RRAGC: variants seen among roughly 807,000 people sequenced by gnomAD.
RRAGC encodes the protein Ras related GTP binding C, also known as ras-related GTP-binding protein C.
In RRAGC, 8 loss-of-function variants were observed where a neutral mutation model predicts 37.1. That is an observed-to-expected ratio of 0.22 (90% CI 0.13 to 0.39). The LOEUF is 0.39. Among genes scored for constraint, RRAGC ranks in the 10% least tolerant of loss-of-function variants. The pLI is 1.00. For missense variants in RRAGC, 342 were observed against 497.6 expected, an observed-to-expected ratio of 0.69 and a Z score of 2.98; for synonymous variants, 190 against 181.1, an observed-to-expected ratio of 1.05 and a Z score of -0.39.
rs550624855 is a variant in RRAGC, at chr1:38,840,102, T to C, written c.1049-398A>G. 1.3e-3 allele frequency among the ~76,000 whole-genome samples: 188 copies of C among 144,306 alleles called. 1 individual carries two copies. Among genetic ancestry groups the C allele is most frequent in the Non-Finnish European group, 2.1e-3 (140 of 67,108 alleles). 94.7% of individuals were successfully genotyped at this position (144,306 alleles called of 152,430 possible). A position where few individuals can be genotyped will look rare whatever the true frequency, so the allele number is the denominator to read the frequency against. The stretch of plus-strand genomic sequence containing the variant: ...GGCAAAGCTTGCAGTGAGCCAAGAT[T>C]GCACCATTGCATTCCAGCCTGGGTG... On this transcript the variant is annotated intron_variant, in intron 6 of 6. Transcript: ENST00000373001.
intron 4 of RRAGC, 74 bp downstream of exon 4, chr1:38,852,300 A>T (rs960203583): frequency 1.1e-6 from 1 of 877,758 alleles, no homozygotes; most frequent in Non-Finnish European, 1.9e-6. Context: ...TTTTTGGAAA[A>T]TTTGAAAACA....
intron 6 of RRAGC, among the ~76,000 whole-genome samples, chr1:38,840,879 A>G (rs1641955031): frequency 6.6e-6 from 1 of 152,244 alleles, no homozygotes; most frequent in African/African-American, 2.4e-5. Context: ...CAATTCAACT[A>G]CATTAAAATT....
chr1:38,846,691 T>C (rs1293478440), intron 5 of RRAGC: 1 of 152,248 alleles, frequency 6.6e-6, no homozygotes, highest in African/African-American at 2.4e-5. Flanking sequence ...TTTTCTGATG[T>C]ACTTGCCTAT....
chr1:38,854,723 G>A (rs940929851), intron 3 of RRAGC, among the ~76,000 whole-genome samples: 6 of 152,128 alleles, frequency 3.9e-5, no homozygotes, highest in Admixed American at 3.3e-4. Flanking sequence ...AGGTCAATGA[G>A]ACTTTTCGAC....
At chr1:38,839,910 G>A (rs1304600672) in intron 6 of RRAGC, among the ~76,000 whole-genome samples, 2 of 151,894 alleles carry the variant, frequency 1.3e-5, no homozygotes, top group Non-Finnish European at 2.9e-5. Flanking sequence ...ACTTTGGGAG[G>A]CCGAGGCGGG....
chr1:38,841,231 T>C (rs1027807529), intron 6 of RRAGC, among the ~76,000 whole-genome samples: 2 of 152,156 alleles, frequency 1.3e-5, no homozygotes, highest in Non-Finnish European at 2.9e-5. Flanking sequence ...AGCTTAATAA[T>C]CTATAATAAC....
intron 5 of RRAGC, among the ~76,000 whole-genome samples, chr1:38,851,044 G>A (rs1228659104): frequency 6.6e-6 from 1 of 152,170 alleles, no homozygotes; most frequent in Non-Finnish European, 1.5e-5. Flanking sequence ...AAAATCACTT[G>A]CTGGCTGGCT....
chr1:38,859,261 G>T, intron 1 of RRAGC, 149 bp downstream of exon 1: 2 of 780,702 alleles, frequency 2.6e-6, no homozygotes, highest in Non-Finnish European at 4.0e-6. Flanking sequence ...TCCCCGCGCG[G>T]GCCGCGCCTG....
chr1:38,851,679 TA>T lies in RRAGC; in HGVS notation c.834del (p.Asp278GlufsTer11). On this transcript the variant is annotated frameshift_variant, in exon 5 of 7. Transcript: ENST00000373001. LOFTEE classifies it high-confidence loss of function. ...TCACAGCAAAGTTCATAAGATTGCATATCCACAGGGGAACTGTCTGTTGCAA... is the reference window on the plus strand; with the variant it reads ...TCACAGCAAAGTTCATAAGATTGCATTCCACAGGGGAACTGTCTGTTGCAA... The part of the protein sequence containing the change: ...IYIATDSSPV[D>X]MQSYELCCDM... 1 of 1,594,770 alleles carries T rather than the reference TA, an allele frequency of 6.3e-7. No homozygotes were observed. The highest frequency in any genetic ancestry group is 8.5e-7 in the Non-Finnish European group (1 of 1,174,420).
intron 6 of RRAGC, among the ~76,000 whole-genome samples, chr1:38,841,141 G>A (rs1175542205): frequency 6.6e-6 from 1 of 151,958 alleles, no homozygotes; most frequent in Non-Finnish European, 1.5e-5. Flanking sequence ...ACTGAATCTG[G>A]GCAATGGATT....
intron 5 of RRAGC, chr1:38,847,496 T>G (rs1208768011): frequency 6.6e-6 from 1 of 152,052 alleles, no homozygotes; most frequent in East Asian, 1.9e-4. Context: ...CTAAAACAGT[T>G]GTTAGTGGTT....
chr1:38,839,237 T>A lies in RRAGC; in HGVS notation c.*316A>T. ...GGCAACATTCCCTGGTAAGGATGGG[T>A]AACTGGTGTTATCTCCAGGTCCAAA... On this transcript the variant is annotated 3_prime_UTR_variant, in exon 7 of 7. Transcript: ENST00000373001. 4.0e-6 allele frequency: 1 copy of A among 252,196 alleles called. No individual in the cohort carries two copies. The highest frequency in any genetic ancestry group is 7.4e-6 in the Non-Finnish European group (1 of 134,360). 15.6% of individuals were successfully genotyped at this position (252,196 alleles called of 1,614,324 possible). A position where few individuals can be genotyped will look rare whatever the true frequency, so the allele number is the denominator to read the frequency against.
intron 6 of RRAGC, among the ~76,000 whole-genome samples, chr1:38,845,000 A>C (rs1352579037): frequency 6.6e-6 from 1 of 152,232 alleles, no homozygotes; most frequent in Admixed American, 6.5e-5. Flanking sequence ...GATGTGGAGA[A>C]ATAGGAACAC....
intron 6 of RRAGC, among the ~76,000 whole-genome samples, chr1:38,843,568 A>G (rs898278995): frequency 2.0e-5 from 3 of 152,072 alleles, no homozygotes; most frequent in African/African-American, 7.2e-5. Context: ...AAAATACAAA[A>G]AAGTAGCCGG....
rs971921762 is a variant in RRAGC, at chr1:38,859,392, G to C, written c.237+18C>G. On this transcript the variant is annotated intron_variant, in intron 1 of 6. Transcript: ENST00000373001. ...AGAACCGGGGAGGGGGCGGGGGACT[G>C]GGCGCAGCCCTGCTCACCTTCTGGA... is the stretch of plus-strand genomic sequence containing the variant. 6.5e-6 allele frequency: 10 copies of C among 1,543,886 alleles called. No individual in the cohort carries two copies. The highest frequency in any genetic ancestry group is 5.9e-5 in the Admixed American group (3 of 50,862).
At chr1:38,851,114 A>G (rs1481220902) in intron 5 of RRAGC, among the ~76,000 whole-genome samples, 1 of 152,208 alleles carries the variant, frequency 6.6e-6, no homozygotes, top group Non-Finnish European at 1.5e-5. Flanking sequence ...CAAATTTTAG[A>G]GATTTATTTT....
Position 38,839,719 on chromosome 1 carries a change from A to G in RRAGC, c.1049-15T>C, listed in dbSNP as rs917259988. 3.7e-6 allele frequency: 6 copies of G among 1,612,456 alleles called. No individual in the cohort carries two copies. In the African/African-American group the frequency reaches 8.0e-5, roughly 22 times the overall value. On this transcript the variant is annotated splice_polypyrimidine_tract_variant and intron_variant, in intron 6 of 6. Transcript: ENST00000373001. Reference sequence around the variant, plus strand: ...GTCTATTAAACCTGCAGGAAGGAAAAAGAAAAGAATGCCTCCTGAATTGTC... The same window carrying G: ...GTCTATTAAACCTGCAGGAAGGAAAGAGAAAAGAATGCCTCCTGAATTGTC...
chr1:38,843,087 T>C (rs1481863131), intron 6 of RRAGC, among the ~76,000 whole-genome samples: 2 of 152,166 alleles, frequency 1.3e-5, no homozygotes, highest in Non-Finnish European at 2.9e-5. Flanking sequence ...CCCGGCACTT[T>C]GGAAGGCTGA....
Position 38,846,319 on chromosome 1 carries a change from A to T in RRAGC, c.900-232T>A. ...CATCCTTTAATATAGATAATCAGAC[A>T]TTTGGAGAAAAAGGTGCAAACATAT... On this transcript the variant is annotated intron_variant, in intron 5 of 6. Transcript: ENST00000373001. 1.4e-5 allele frequency: 6 copies of T among 424,372 alleles called. No homozygotes were observed. In the South Asian group the frequency reaches 2.2e-4, roughly 16 times the overall value. The allele number at this position is 424,372 out of a possible 1,614,324, so 26.3% of individuals were successfully genotyped here.
Sources: gnomAD v4.1 joint callset for allele counts (sites outside exome capture counted in the v4.1 genomes callset) on GRCh38, gnomAD v4.1.1 for gene constraint, MANE v1.5 for transcripts, NCBI Gene and HGNC (gene_info 2026-07-23, HGNC 2026-07-21) for gene names.